Variants in PDE4D observed in about 807,000 individuals in gnomAD.
PDE4D encodes phosphodiesterase 4D, also known as 3',5'-cyclic-AMP phosphodiesterase 4D.
PDE4D carries 24 observed loss-of-function variants against 87.4 expected under a neutral mutation model. The observed-to-expected ratio is 0.27, with a 90% CI of 0.20 to 0.39. PDE4D has a LOEUF of 0.39. PDE4D is among the 10% of genes least tolerant of loss of function. The pLI is 1.00. For missense variants in PDE4D, 714 were observed against 1,041.0 expected, an observed-to-expected ratio of 0.69 and a Z score of 4.32; for synonymous variants, 384 against 383.2, an observed-to-expected ratio of 1.00 and a Z score of -0.02.
At chr5:59,389,414 C>T (rs2153607223) in intron 1 of PDE4D, among the ~76,000 whole-genome samples, 1 of 151,772 alleles carries the variant, frequency 6.6e-6, no homozygotes, top group Admixed American at 6.6e-5. Flanking sequence ...AGTTCTTCAG[C>T]TAGGACAGAC....
chr5:59,474,832 AT>A (rs987991933), intron 1 of PDE4D, among the ~76,000 whole-genome samples: 1 of 152,124 alleles, frequency 6.6e-6, no homozygotes, highest in Non-Finnish European at 1.5e-5. Context: ...AAAAAAGTTA[AT>A]TTTTTGCAGT....
intron 1 of PDE4D, among the ~76,000 whole-genome samples, chr5:59,487,651 G>A (rs1453891715): frequency 2.0e-5 from 3 of 152,090 alleles, no homozygotes; most frequent in African/African-American, 7.2e-5. Context: ...AAAGTAATCA[G>A]GAAGGAGAGC....
intron 2 of PDE4D, among the ~76,000 whole-genome samples, chr5:59,196,771 A>G (rs1745544045): frequency 6.6e-6 from 1 of 152,170 alleles, no homozygotes. Context: ...TATATACTAC[A>G]TATATTGCAT....
At chr5:59,275,444 T>C (rs1021130003) in intron 1 of PDE4D, 6 of 1,588,142 alleles carry the variant, frequency 3.8e-6, no homozygotes, top group Non-Finnish European at 5.1e-6. Context: ...TCAACTATTC[T>C]GATTAATACA....
intron 5 of PDE4D, chr5:59,157,105 T>C (rs1780353147): frequency 2.4e-6 from 1 of 413,214 alleles, no homozygotes. Flanking sequence ...TGTGAGAAAA[T>C]GTATTGAAAA....
chr5:59,659,677 C>T (rs1042500225), intron 1 of PDE4D, among the ~76,000 whole-genome samples: 3 of 152,224 alleles, frequency 2.0e-5, no homozygotes, highest in African/African-American at 4.8e-5. Flanking sequence ...CTATATCAAA[C>T]TGCCTAAAGA....
At chr5:59,997,168 G>A (rs12518928) in intron 2 of PDE4D, among the ~76,000 whole-genome samples, 35,027 of 151,948 alleles carry the variant, frequency 0.23, 5,068 homozygotes, top group Admixed American at 0.34. Flanking sequence ...TTTGTTAGTA[G>A]AGGAAGGAAA....
chr5:59,891,650 C>G (rs1750971845), intron 1 of PDE4D, among the ~76,000 whole-genome samples: 2 of 152,172 alleles, frequency 1.3e-5, no homozygotes, highest in African/African-American at 4.8e-5. Flanking sequence ...AAGAACATCT[C>G]CAACAAGGTA....
rs1156467369 is a variant in PDE4D at position 59,649,905 on chromosome 5, C to CTTTTTTTTTTTTTTTT, written c.455+243247_455+243262dup. Among the ~76,000 whole-genome samples the CTTTTTTTTTTTTTTTT allele has an allele frequency of 1.1e-3, 78 of 72,436 alleles. 7 individuals carry two copies. Among genetic ancestry groups the CTTTTTTTTTTTTTTTT allele is most frequent in the African/African-American group, 2.2e-3 (33 of 15,160 alleles). The allele number at this position is 72,436 out of a possible 152,430, so 47.5% of individuals were successfully genotyped here. On this transcript the variant is annotated intron_variant, in intron 1 of 14. Transcript: ENST00000340635. ...GTTAAAATGTTGATAGTTTGTGAAC[C>CTTTTTTTTTTTTTTTT]TTTTTTTTTTTTTTTTTTTTTTTTT...
At position 60,212,740 on chromosome 5, in the gene PDE4D, T is replaced by G. The variant is rs190496553; in HGVS notation, c.-89-27053A>C. 2.1e-3 allele frequency among the ~76,000 whole-genome samples: 323 copies of G among 152,334 alleles called. 2 individuals carry two copies. The highest frequency in any genetic ancestry group is 7.4e-3 in the African/African-American group (309 of 41,580). ...AAAGTTGTATGTGTCAATAAATTCATTTTTTGCATAAATGACTTTAAGTTG... is the reference window on the plus strand; with the variant it reads ...AAAGTTGTATGTGTCAATAAATTCAGTTTTTGCATAAATGACTTTAAGTTG... On this transcript the variant is annotated intron_variant, in intron 1 of 16. Coordinates refer to the PDE4D transcript ENST00000502484.
At chr5:60,209,179 CTTTT>C (rs71578644) in intron 1 of PDE4D, among the ~76,000 whole-genome samples, 1 of 125,516 alleles carries the variant, frequency 8.0e-6, no homozygotes, top group South Asian at 2.6e-4. Context: ...AGTATTTTTT[CTTTT>C]TTTCTTTTTT....
Position 59,710,250 on chromosome 5 carries a change from A to G in PDE4D, c.455+182918T>C, listed in dbSNP as rs989255592. Among the ~76,000 whole-genome samples, 3 of 152,176 alleles carry G rather than the reference A, an allele frequency of 2.0e-5. No homozygotes were observed. The East Asian group carries it at 5.8e-4, about 29-fold the overall frequency. On this transcript the variant is annotated intron_variant, in intron 1 of 14. Transcript: ENST00000340635. ...AGCTGAGTTTTATACATGAAAGGCC[A>G]TCTCGTTTAGCCGAAAGTACAGGAA...
At chr5:60,180,334 C>A (rs1784276780) in intron 2 of PDE4D, among the ~76,000 whole-genome samples, 1 of 152,104 alleles carries the variant, frequency 6.6e-6, no homozygotes, top group Admixed American at 6.5e-5. Flanking sequence ...CTGAAATAAT[C>A]TATGTTTCTG....
intron 1 of PDE4D, among the ~76,000 whole-genome samples, chr5:60,283,192 A>G (rs1473751798): frequency 6.6e-6 from 1 of 151,938 alleles, no homozygotes; most frequent in Non-Finnish European, 1.5e-5. Context: ...CAGGTTCATT[A>G]GTATCTACAC....
intron 1 of PDE4D, among the ~76,000 whole-genome samples, chr5:60,308,293 C>A (rs1019719131): frequency 2.0e-5 from 3 of 152,104 alleles, no homozygotes; most frequent in Admixed American, 1.3e-4. Flanking sequence ...TTCTCTTTTT[C>A]AATGTGTTCT....
intron 1 of PDE4D, among the ~76,000 whole-genome samples, chr5:59,505,414 A>G (rs759913028): frequency 1.3e-5 from 2 of 152,202 alleles, no homozygotes; most frequent in African/African-American, 4.8e-5. Context: ...CAGTGCATCA[A>G]TATAAGGGTA....
At chr5:60,513,208 A>G (rs1750651625) in intron 1 of PDE4D, among the ~76,000 whole-genome samples, 1 of 152,174 alleles carries the variant, frequency 6.6e-6, no homozygotes, top group African/African-American at 2.4e-5. Flanking sequence ...GTTTCTTACA[A>G]GAGACATTTC....
intron 1 of PDE4D, among the ~76,000 whole-genome samples, chr5:60,302,340 T>G (rs1382943093): frequency 6.6e-6 from 1 of 152,234 alleles, no homozygotes; most frequent in African/African-American, 2.4e-5. Flanking sequence ...CTGTCTCAAT[T>G]TCAGACCTTG....
rs3061415 is a variant in PDE4D, at chr5:59,098,697, CAA to C, written c.809-59728_809-59727del. 4.5e-5 allele frequency among the ~76,000 whole-genome samples: 3 copies of C among 66,994 alleles called. No homozygotes were observed. The Admixed American group carries it at 5.7e-4, about 13-fold the overall frequency. The allele number at this position is 66,994 out of a possible 152,430, so 44.0% of individuals were successfully genotyped here. A position where few individuals can be genotyped will look rare whatever the true frequency, so the allele number is the denominator to read the frequency against. On this transcript the variant is annotated intron_variant, in intron 5 of 14. Transcript: ENST00000340635. ...CCAGCCTGGGTGACAGAGAAAGACTCAAAAAAAAAAAAAAAAAAAAGAGGAAA... is the reference window on the plus strand; with the variant it reads ...CCAGCCTGGGTGACAGAGAAAGACTCAAAAAAAAAAAAAAAAAAGAGGAAA...
Sources: allele counts gnomAD v4.1 joint callset (sites outside exome capture counted in the v4.1 genomes callset), GRCh38; gene constraint gnomAD v4.1.1; transcripts MANE v1.5; gene names NCBI Gene and HGNC (gene_info 2026-07-23, HGNC 2026-07-21).